Variants in EYA1 observed in about 807,000 individuals in gnomAD.
EYA1 encodes the protein protein phosphatase EYA1.
A neutral mutation model predicts 82.0 loss-of-function variants in EYA1; 16 were observed. The ratio of observed to expected loss-of-function variants is 0.20; its 90% CI spans 0.13 to 0.30. The LOEUF (loss-of-function observed/expected upper bound fraction) is 0.30, where lower values mean the gene tolerates loss of function less well. Ranked by LOEUF, EYA1 falls within the 10% of genes least tolerant of loss-of-function variation. The pLI is 1.00. For missense variants in EYA1, 633 were observed against 730.7 expected, an observed-to-expected ratio of 0.87 and a Z score of 1.54; for synonymous variants, 261 against 264.4, an observed-to-expected ratio of 0.99 and a Z score of 0.12.
chr8:71,517,707 C>CTATATATATATATA (rs60132408), intron 2 of EYA1, among the ~76,000 whole-genome samples: 1 of 141,646 alleles, frequency 7.1e-6, no homozygotes, highest in Admixed American at 7.1e-5. Flanking sequence ...GGAAAACATA[C>CTATATATATATATA]TATATATATA....
At chr8:71,492,227 G>A (rs2129225874) in intron 2 of EYA1, among the ~76,000 whole-genome samples, 1 of 152,324 alleles carries the variant, frequency 6.6e-6, no homozygotes, top group African/African-American at 2.4e-5. Context: ...TTGCCCCAGG[G>A]AGTGGCGCGT....
intron 2 of EYA1, among the ~76,000 whole-genome samples, chr8:71,484,698 G>T (rs563818193): frequency 6.6e-6 from 1 of 152,198 alleles, no homozygotes; most frequent in Non-Finnish European, 1.5e-5. Flanking sequence ...GAGGTGTGCT[G>T]GGAAATCCTC....
intron 12 of EYA1, among the ~76,000 whole-genome samples, chr8:71,218,411 C>T (rs1809474838): frequency 6.6e-6 from 1 of 152,128 alleles, no homozygotes. Context: ...GAAAGAAACT[C>T]AAACCAGCTG....
chr8:71,461,804 G>T (rs1441677677), intron 2 of EYA1, among the ~76,000 whole-genome samples: 2 of 152,120 alleles, frequency 1.3e-5, no homozygotes, highest in Non-Finnish European at 2.9e-5. Flanking sequence ...CCCTCAGGGG[G>T]AAGCTCCATT....
chr8:71,507,048 A>C (rs947083023), intron 2 of EYA1, among the ~76,000 whole-genome samples: 1 of 152,130 alleles, frequency 6.6e-6, no homozygotes, highest in South Asian at 2.1e-4. Context: ...AAACATATAA[A>C]CTCTATATCA....
At chr8:71,447,628 C>T (rs1194662249) in intron 2 of EYA1, among the ~76,000 whole-genome samples, 1 of 152,060 alleles carries the variant, frequency 6.6e-6, no homozygotes, top group East Asian at 1.9e-4. Flanking sequence ...AAATTTGATT[C>T]CAGATCACAG....
intron 2 of EYA1, among the ~76,000 whole-genome samples, chr8:71,477,790 T>A (rs574337309): frequency 2.6e-4 from 40 of 152,322 alleles, no homozygotes; most frequent in Non-Finnish European, 8.8e-5. Flanking sequence ...TGTAAAAGAA[T>A]GTTCACAGCA....
chr8:71,494,877 A>G lies in EYA1; in HGVS notation c.33+40867T>C, dbSNP rs145788939. Among the ~76,000 whole-genome samples the G allele has an allele frequency of 4.6e-3, 701 of 152,172 alleles. 5 individuals carry two copies. Among genetic ancestry groups the G allele is most frequent in the Non-Finnish European group, 8.0e-3 (542 of 68,002 alleles). Reference sequence around the variant, plus strand: ...AAAATATTCATTAAACAAGTTCACAAGCAGAAACGGAACTGTAAGTTTTAA... The same window carrying G: ...AAAATATTCATTAAACAAGTTCACAGGCAGAAACGGAACTGTAAGTTTTAA... On this transcript the variant is annotated intron_variant, in intron 2 of 18. Transcript: ENST00000643681.
At chr8:71,346,440 A>ATATC (rs1440858092) in intron 3 of EYA1, among the ~76,000 whole-genome samples, 1 of 141,186 alleles carries the variant, frequency 7.1e-6, no homozygotes, top group African/African-American at 2.6e-5. Context: ...GAATATATAT[A>ATATC]TATATATATA....
At chr8:71,228,980 C>T (rs1047356849) in intron 12 of EYA1, among the ~76,000 whole-genome samples, 6 of 152,154 alleles carry the variant, frequency 3.9e-5, no homozygotes, top group Admixed American at 3.3e-4. Context: ...AAGCATCTAG[C>T]GGGAGGGGAG....
chr8:71,399,443 T>C (rs1053689656), intron 2 of EYA1, among the ~76,000 whole-genome samples: 5 of 152,218 alleles, frequency 3.3e-5, no homozygotes, highest in African/African-American at 4.8e-5. Flanking sequence ...CTGTCTCTTC[T>C]ATACATGTGG....
At chr8:71,241,245 T>C (rs973872249) in intron 12 of EYA1, among the ~76,000 whole-genome samples, 2 of 152,204 alleles carry the variant, frequency 1.3e-5, no homozygotes, top group African/African-American at 2.4e-5. Context: ...AGAATTGATA[T>C]AAATTGTGAT....
intron 2 of EYA1, among the ~76,000 whole-genome samples, chr8:71,502,622 G>T (rs1304551645): frequency 1.3e-5 from 2 of 152,100 alleles, no homozygotes; most frequent in Admixed American, 1.3e-4. Context: ...TAAACATTCT[G>T]CATTTTATCT....
chr8:71,421,360 T>G (rs1389077302), intron 2 of EYA1, among the ~76,000 whole-genome samples: 1 of 152,076 alleles, frequency 6.6e-6, no homozygotes, highest in Non-Finnish European at 1.5e-5. Flanking sequence ...ACTACTTCCT[T>G]TTACAATGAG....
At chr8:71,477,336 C>T (rs1809740023) in intron 2 of EYA1, among the ~76,000 whole-genome samples, 1 of 152,036 alleles carries the variant, frequency 6.6e-6, no homozygotes, top group Non-Finnish European at 1.5e-5. Flanking sequence ...GGACTTATAG[C>T]AAGACTGTGT....
At chr8:71,253,105 GAATGACAT>G (rs1265340927) in intron 11 of EYA1, among the ~76,000 whole-genome samples, 12 of 152,136 alleles carry the variant, frequency 7.9e-5, no homozygotes, top group Admixed American at 5.9e-4. Context: ...AGCATTTCAG[GAATGACAT>G]AATATTTTAG....
intron 6 of EYA1, among the ~76,000 whole-genome samples, chr8:71,320,391 T>C (rs1563459158): frequency 6.6e-6 from 1 of 152,226 alleles, no homozygotes; most frequent in Non-Finnish European, 1.5e-5. Flanking sequence ...TTTGAGAACG[T>C]AAATCAAAGA....
chr8:71,448,450 T>A (rs916307120), intron 2 of EYA1, among the ~76,000 whole-genome samples: 1 of 152,016 alleles, frequency 6.6e-6, no homozygotes, highest in Non-Finnish European at 1.5e-5. Context: ...CTATTTCTCT[T>A]CCTATTTCCA....
intron 2 of EYA1, among the ~76,000 whole-genome samples, chr8:71,418,842 A>T (rs9298173): frequency 0.73 from 110,515 of 151,948 alleles, 41,157 homozygotes; most frequent in African/African-American, 0.84. Flanking sequence ...TTCTACACAG[A>T]GCACTCAGAG....
Sources: gnomAD v4.1 joint callset for allele counts (sites outside exome capture counted in the v4.1 genomes callset) on GRCh38, gnomAD v4.1.1 for gene constraint, MANE v1.5 for transcripts, NCBI Gene and HGNC (gene_info 2026-07-23, HGNC 2026-07-21) for gene names.